Variants in SH2D4B observed in about 807,000 individuals in gnomAD.
The protein encoded by SH2D4B is SH2 domain containing 4B.
In SH2D4B, 45 loss-of-function variants were observed where a neutral mutation model predicts 61.5. The ratio of observed to expected loss-of-function variants is 0.73; its 90% CI spans 0.58 to 0.94. The LOEUF (loss-of-function observed/expected upper bound fraction) is 0.94, where lower values mean the gene tolerates loss of function less well. Among genes scored for constraint, SH2D4B ranks in the 40% least tolerant of loss-of-function variants. SH2D4B has a pLI of 0.00. For synonymous variants in SH2D4B, 224 were observed against 220.4 expected (o/e 1.02, Z -0.14); for missense variants, 572 against 574.2 (o/e 1.00, Z 0.04).
intron 1 of SH2D4B, among the ~76,000 whole-genome samples, chr10:80,546,046 C>CT (rs577179576): frequency 0.096 from 12,459 of 130,300 alleles, 949 homozygotes; most frequent in East Asian, 0.27. Context: ...CTCTCTCTTT[C>CT]TTTTTTTTTT....
chr10:80,565,580 A>G (rs73307141), intron 1 of SH2D4B, among the ~76,000 whole-genome samples: 201 of 152,082 alleles, frequency 1.3e-3, no homozygotes, highest in African/African-American at 4.5e-3. Flanking sequence ...TATTTCTTAA[A>G]TTTCCTTATT....
At chr10:80,548,928 A>G (rs1841718623) in intron 1 of SH2D4B, among the ~76,000 whole-genome samples, 1 of 152,122 alleles carries the variant, frequency 6.6e-6, no homozygotes, top group Admixed American at 6.5e-5. Flanking sequence ...TTTACTTTTT[A>G]GGATATATTG....
In SH2D4B at chr10:80,571,423, C is replaced by G; in HGVS notation, c.348-8C>G. Reference sequence around the variant, plus strand: ...CACAAGCTTATACCTGTGGTGCTCTCTTGGTAGGAGACAGAAGGAGGCAGA... The same window carrying G: ...CACAAGCTTATACCTGTGGTGCTCTGTTGGTAGGAGACAGAAGGAGGCAGA... On this transcript the variant is annotated splice_region_variant and splice_polypyrimidine_tract_variant and intron_variant, in intron 2 of 7. Coordinates refer to ENST00000646907, the MANE Select transcript of SH2D4B (RefSeq NM_001388272.1). 1 of 1,613,704 alleles carries G rather than the reference C, an allele frequency of 6.2e-7. No homozygotes were observed. Among genetic ancestry groups the G allele is most frequent in the Non-Finnish European group, 8.5e-7 (1 of 1,179,712 alleles).
At chr10:80,566,336 C>T (rs1214721612) in intron 1 of SH2D4B, among the ~76,000 whole-genome samples, 2 of 142,874 alleles carry the variant, frequency 1.4e-5, no homozygotes, top group African/African-American at 2.6e-5. Context: ...CACTCTGTTT[C>T]CCAGGCTGGA....
intron 7 of SH2D4B, among the ~76,000 whole-genome samples, chr10:80,640,077 G>T (rs1266222722): frequency 6.6e-6 from 1 of 152,294 alleles, no homozygotes; most frequent in African/African-American, 2.4e-5. Context: ...GCAATTCTGG[G>T]TTGAAAATTC....
chr10:80,641,882 T>C (rs1451967439), intron 7 of SH2D4B, among the ~76,000 whole-genome samples: 1 of 146,186 alleles, frequency 6.8e-6, no homozygotes. Flanking sequence ...CTTCTATCAA[T>C]TAAAATTTTA....
rs146883861 is a variant in SH2D4B at position 80,610,358 on chromosome 10, A to G, written c.988+807A>G. Among the ~76,000 whole-genome samples, 373 of 152,264 alleles carry G rather than the reference A, an allele frequency of 2.4e-3. 3 individuals are homozygous for G. The highest frequency in any genetic ancestry group is 8.6e-3 in the African/African-American group (357 of 41,550). On this transcript the variant is annotated intron_variant, in intron 6 of 7. Coordinates refer to ENST00000646907, the MANE Select transcript of SH2D4B (RefSeq NM_001388272.1). ...CACCTGAATGTGAGCCTGTGAGGTT[A>G]AGGAGCTTGCTTGTTTTCCCTGTGC...
intron 3 of SH2D4B, 97 bp downstream of exon 3, chr10:80,571,675 T>C: frequency 6.9e-7 from 1 of 1,440,856 alleles, no homozygotes; most frequent in Non-Finnish European, 9.5e-7. Flanking sequence ...TGGCCATTGG[T>C]TGGTACTGGG....
At chr10:80,618,854 A>G (rs1345599477) in intron 6 of SH2D4B, among the ~76,000 whole-genome samples, 1 of 152,170 alleles carries the variant, frequency 6.6e-6, no homozygotes, top group Non-Finnish European at 1.5e-5. Context: ...TTCTGAGCTA[A>G]TAATTTCAGG....
rs151308747 is a variant in SH2D4B at position 80,547,284 on chromosome 10, G to A, written c.184+8769G>A. The stretch of plus-strand genomic sequence containing the variant: ...CCATGGGAAATTCTTGCTTAAAGCT[G>A]CCTTGCGCCCCATCCCTAGTCTTGC... On this transcript the variant is annotated intron_variant, in intron 1 of 7. Coordinates refer to ENST00000646907, the MANE Select transcript of SH2D4B (RefSeq NM_001388272.1). 6.2e-4 allele frequency among the ~76,000 whole-genome samples: 95 copies of A among 152,354 alleles called. 1 individual carries two copies. Among genetic ancestry groups the A allele is most frequent in the African/African-American group, 2.2e-3 (92 of 41,590 alleles).
chr10:80,596,750 A>G (rs1266283741), intron 4 of SH2D4B, among the ~76,000 whole-genome samples: 5 of 152,208 alleles, frequency 3.3e-5, no homozygotes, highest in African/African-American at 1.2e-4. Context: ...ATAAAGGCAG[A>G]TGGAGGCTCT....
At chr10:80,587,892 A>G (rs1327165301) in intron 3 of SH2D4B, among the ~76,000 whole-genome samples, 1 of 152,124 alleles carries the variant, frequency 6.6e-6, no homozygotes, top group East Asian at 1.9e-4. Flanking sequence ...TGGCCTCCAG[A>G]TGCATCTATG....
chr10:80,538,605 T>A lies in SH2D4B; in HGVS notation c.184+90T>A. Reference sequence around the variant, plus strand: ...GGCCAGGCTGTGCCCTTCTTCAAGATGGGCACTGGGGTGATGAGGGCTGGG... The same window carrying A: ...GGCCAGGCTGTGCCCTTCTTCAAGAAGGGCACTGGGGTGATGAGGGCTGGG... On this transcript the variant is annotated intron_variant, in intron 1 of 7. Transcript: ENST00000646907. The surrounding 1 kb of genome is among the most constrained non-coding windows in gnomAD (Gnocchi z 4.8). 8 of 1,099,152 alleles carry A rather than the reference T, an allele frequency of 7.3e-6. No homozygotes were observed. The highest frequency in any genetic ancestry group is 3.0e-5 in the South Asian group (1 of 33,696). The allele number at this position is 1,099,152 out of a possible 1,614,324, so 68.1% of individuals were successfully genotyped here. A position where few individuals can be genotyped will look rare whatever the true frequency, so the allele number is the denominator to read the frequency against.
At chr10:80,614,949 C>T (rs937169023) in intron 6 of SH2D4B, among the ~76,000 whole-genome samples, 5 of 152,216 alleles carry the variant, frequency 3.3e-5, no homozygotes, top group Non-Finnish European at 5.9e-5. Flanking sequence ...ATGGTGATCC[C>T]CTCCTGGGTA....
intron 4 of SH2D4B, among the ~76,000 whole-genome samples, chr10:80,600,937 T>C (rs1406217813): frequency 6.6e-6 from 1 of 152,124 alleles, no homozygotes; most frequent in Non-Finnish European, 1.5e-5. Context: ...GCAAAGCCCA[T>C]CCCGGGGCAT....
intron 7 of SH2D4B, among the ~76,000 whole-genome samples, chr10:80,637,403 A>G (rs1481336299): frequency 1.3e-5 from 2 of 152,128 alleles, no homozygotes; most frequent in African/African-American, 4.8e-5. Flanking sequence ...CATGATATTG[A>G]TTCTTTCTAT....
intron 5 of SH2D4B, 79 bp downstream of exon 5, chr10:80,603,874 G>C: frequency 2.3e-6 from 3 of 1,314,960 alleles, no homozygotes; most frequent in Non-Finnish European, 3.1e-6. Context: ...CCCCGTCCCG[G>C]GTCTGCCCCA....
At chr10:80,591,383 G>C (rs570187091) in intron 4 of SH2D4B, among the ~76,000 whole-genome samples, 2 of 152,188 alleles carry the variant, frequency 1.3e-5, no homozygotes, top group East Asian at 3.9e-4. Flanking sequence ...CTGGAGGCTG[G>C]GAAGTCTGAG....
intron 1 of SH2D4B, among the ~76,000 whole-genome samples, chr10:80,567,404 T>C (rs753030766): frequency 1.3e-5 from 2 of 152,304 alleles, no homozygotes; most frequent in East Asian, 3.9e-4. Flanking sequence ...TTCTCCTCCA[T>C]CTAAAATACA....
Sources: allele counts gnomAD v4.1 joint callset (sites outside exome capture counted in the v4.1 genomes callset), GRCh38; gene constraint gnomAD v4.1.1; non-coding constraint Gnocchi (gnomAD v3.1); transcripts MANE v1.5; gene names NCBI Gene and HGNC (gene_info 2026-07-23, HGNC 2026-07-21).